The following TRABD2B variants were observed in gnomAD, a reference collection of about 807,000 sequenced individuals.
TRABD2B encodes TraB domain containing 2B, also known as metalloprotease TIKI2.
TRABD2B carries 14 observed loss-of-function variants against 40.1 expected under a neutral mutation model. The observed-to-expected ratio is 0.35, with a 90% confidence interval of 0.23 to 0.55. The LOEUF is 0.55. Ranked by LOEUF, TRABD2B falls within the 20% of genes least tolerant of loss-of-function variation. The pLI is 0.90. For missense variants in TRABD2B, 541 were observed against 648.6 expected (o/e 0.83, Z 1.80); for synonymous variants, 263 against 277.0 (o/e 0.95, Z 0.50).
intron 2 of TRABD2B, among the ~76,000 whole-genome samples, chr1:47,829,367 T>C (rs1347589982): frequency 6.6e-6 from 1 of 152,110 alleles, no homozygotes. Flanking sequence ...CCCAAGTGTT[T>C]AGAAGCTGCA....
At chr1:47,800,516 G>A (rs1488652784) in intron 3 of TRABD2B, among the ~76,000 whole-genome samples, 1 of 152,144 alleles carries the variant, frequency 6.6e-6, no homozygotes, top group African/African-American at 2.4e-5. Context: ...AAGTGACAGG[G>A]TAGGGAGAGA....
rs557918484 is a variant in TRABD2B at position 47,933,995 on chromosome 1, G to T, written c.666+60039C>A. ...GTTTAAATAGTCACAGATGGCTAAG[G>T]GTTGTTTTATTGGACAGCACAAGTT... On this transcript the variant is annotated intron_variant, in intron 2 of 6. Coordinates refer to ENST00000606738, the MANE Select transcript of TRABD2B (RefSeq NM_001194986.2). Among the ~76,000 whole-genome samples, 8 of 152,314 alleles carry T rather than the reference G, an allele frequency of 5.3e-5. No individual in the cohort carries two copies. In the East Asian group the frequency reaches 1.4e-3, roughly 26 times the overall value.
At chr1:47,854,937 G>A (rs1253007657) in intron 2 of TRABD2B, among the ~76,000 whole-genome samples, 1 of 152,144 alleles carries the variant, frequency 6.6e-6, no homozygotes, top group Non-Finnish European at 1.5e-5. Context: ...GTGTGATGTA[G>A]GGCAAGCTGC....
intron 2 of TRABD2B, among the ~76,000 whole-genome samples, chr1:47,962,006 A>G (rs1367927599): frequency 2.0e-5 from 3 of 152,190 alleles, no homozygotes; most frequent in Non-Finnish European, 4.4e-5. Flanking sequence ...AATGTGGCAC[A>G]TATACACCAT....
chr1:47,776,990 C>G (rs12043904), intron 5 of TRABD2B, among the ~76,000 whole-genome samples: 7,223 of 152,248 alleles, frequency 0.047, 489 homozygotes, highest in East Asian at 0.31. Context: ...ATTCCCGCCC[C>G]CCTCCGCCCT....
At chr1:47,891,678 T>G (rs891526481) in intron 2 of TRABD2B, among the ~76,000 whole-genome samples, 1 of 152,114 alleles carries the variant, frequency 6.6e-6, no homozygotes, top group Non-Finnish European at 1.5e-5. Context: ...GGTGCACGCT[T>G]GTAGTCCCAG....
At chr1:47,969,096 A>G (rs530328101) in intron 2 of TRABD2B, among the ~76,000 whole-genome samples, 1 of 152,324 alleles carries the variant, frequency 6.6e-6, no homozygotes, top group Non-Finnish European at 1.5e-5. Flanking sequence ...AGATTTCAGG[A>G]AGCCACTACC....
chr1:47,835,725 G>A (rs1027205608), intron 2 of TRABD2B, among the ~76,000 whole-genome samples: 3 of 152,190 alleles, frequency 2.0e-5, no homozygotes, highest in Non-Finnish European at 4.4e-5. Flanking sequence ...CAAATATTGA[G>A]ATAATTTGTA....
intron 2 of TRABD2B, chr1:47,818,605 G>C (rs1173647354): frequency 6.6e-6 from 1 of 152,234 alleles, no homozygotes; most frequent in Non-Finnish European, 1.5e-5. Context: ...TCCAGCGGAA[G>C]CATCAGCCAG....
At chr1:47,930,958 C>T (rs1010669508) in intron 2 of TRABD2B, among the ~76,000 whole-genome samples, 1 of 152,306 alleles carries the variant, frequency 6.6e-6, no homozygotes, top group South Asian at 2.1e-4. Flanking sequence ...ACCGTGGCCA[C>T]CTTCAATCTG....
At chr1:47,873,328 C>G (rs1644172047) in intron 2 of TRABD2B, among the ~76,000 whole-genome samples, 1 of 152,166 alleles carries the variant, frequency 6.6e-6, no homozygotes, top group East Asian at 1.9e-4. Context: ...GTGTGGCTCA[C>G]CCAAGTACCA....
chr1:47,958,694 C>G (rs1333138465), intron 2 of TRABD2B, among the ~76,000 whole-genome samples: 1 of 152,166 alleles, frequency 6.6e-6, no homozygotes, highest in Non-Finnish European at 1.5e-5. Context: ...AATACAGGAG[C>G]ACCCAGATTC....
chr1:47,860,230 T>C (rs1570143955), intron 2 of TRABD2B, among the ~76,000 whole-genome samples: 1 of 152,260 alleles, frequency 6.6e-6, no homozygotes, highest in East Asian at 1.9e-4. Context: ...TCCTTCAAAT[T>C]CCTGAAGGCT....
At position 47,761,175 on chromosome 1, in the gene TRABD2B, G is replaced by A. The variant is rs1040455532; in HGVS notation, c.*4727C>T. The A allele has an allele frequency of 1.3e-5, 2 of 152,476 alleles. No individual in the cohort carries two copies. The highest frequency in any genetic ancestry group is 4.8e-5 in the African/African-American group (2 of 41,466). The allele number at this position is 152,476 out of a possible 1,614,324, so 9.4% of individuals were successfully genotyped here. ...GAAGTGAAGGCTCAGAGAGGGACAG[G>A]AACTTGCCCAAGGTCATCCAGCAAA... On this transcript the variant is annotated 3_prime_UTR_variant, in exon 7 of 7. Coordinates refer to ENST00000606738, the MANE Select transcript of TRABD2B (RefSeq NM_001194986.2).
intron 2 of TRABD2B, among the ~76,000 whole-genome samples, chr1:47,851,837 G>A (rs1226891768): frequency 2.6e-5 from 4 of 152,182 alleles, no homozygotes; most frequent in South Asian, 2.1e-4. Flanking sequence ...TTTTATTGGC[G>A]AGGAACCCTA....
intron 2 of TRABD2B, among the ~76,000 whole-genome samples, chr1:47,899,990 T>G (rs1644577600): frequency 1.3e-5 from 2 of 152,312 alleles, no homozygotes; most frequent in South Asian, 4.1e-4. Flanking sequence ...CAGCCAGCTA[T>G]TTCAGATCCA....
chr1:47,790,043 C>G (rs532441522), intron 4 of TRABD2B, among the ~76,000 whole-genome samples: 26 of 152,158 alleles, frequency 1.7e-4, no homozygotes, highest in African/African-American at 6.3e-4. Context: ...CCACCATCAT[C>G]TTTTTAATTT....
intron 2 of TRABD2B, among the ~76,000 whole-genome samples, chr1:47,955,143 C>A (rs1645400176): frequency 6.6e-6 from 1 of 152,208 alleles, no homozygotes; most frequent in South Asian, 2.1e-4. Flanking sequence ...GCTCATCAGC[C>A]ACTAAGCCCT....
At chr1:47,934,912 G>A (rs1444622509) in intron 2 of TRABD2B, among the ~76,000 whole-genome samples, 1 of 152,230 alleles carries the variant, frequency 6.6e-6, no homozygotes, top group Non-Finnish European at 1.5e-5. Context: ...GCAAGGCAGA[G>A]TCCGAGTTGG....
Sources: gnomAD v4.1 joint callset for allele counts (sites outside exome capture counted in the v4.1 genomes callset) on GRCh38, gnomAD v4.1.1 for gene constraint, MANE v1.5 for transcripts, NCBI Gene and HGNC (gene_info 2026-07-23, HGNC 2026-07-21) for gene names.